Variants in EIPR1 observed in about 807,000 individuals in gnomAD.
EIPR1 encodes EARP complex and GARP complex interacting protein 1.
Under a neutral mutation model 48.1 loss-of-function variants are expected in EIPR1, and 25 were observed. The ratio of observed to expected loss-of-function variants is 0.52; its 90% CI spans 0.38 to 0.73. EIPR1 has a LOEUF of 0.73. Ranked by LOEUF, EIPR1 falls within the 30% of genes least tolerant of loss-of-function variation. The pLI, the probability that EIPR1 is intolerant of heterozygous loss-of-function variation, is 0.00. For missense variants in EIPR1, 415 were observed against 506.2 expected, an observed-to-expected ratio of 0.82 and a Z score of 1.73; for synonymous variants, 204 against 201.9, an observed-to-expected ratio of 1.01 and a Z score of -0.09.
chr2:3,224,923 C>T (rs1054849935), intron 4 of EIPR1, among the ~76,000 whole-genome samples: 1 of 152,228 alleles, frequency 6.6e-6, no homozygotes, highest in African/African-American at 2.4e-5. Flanking sequence ...CTGGGGGCTG[C>T]AGCCTGTGAC....
intron 4 of EIPR1, among the ~76,000 whole-genome samples, chr2:3,239,822 T>C (rs1228939389): frequency 3.3e-5 from 5 of 152,264 alleles, no homozygotes; most frequent in Non-Finnish European, 5.9e-5. Context: ...TTTCTTTCCA[T>C]CTCCTTCCTT....
intron 3 of EIPR1, among the ~76,000 whole-genome samples, chr2:3,264,844 G>A (rs1025981022): frequency 6.6e-6 from 1 of 152,054 alleles, no homozygotes. Flanking sequence ...CCGCCACCAT[G>A]CCCAGCTAAT....
At chr2:3,220,033 T>C (rs1258872037) in intron 4 of EIPR1, among the ~76,000 whole-genome samples, 1 of 152,204 alleles carries the variant, frequency 6.6e-6, no homozygotes, top group African/African-American at 2.4e-5. Flanking sequence ...AACCCTGTTG[T>C]GAACTGTGCA....
intron 3 of EIPR1, among the ~76,000 whole-genome samples, chr2:3,289,885 G>A (rs374491961): frequency 4.6e-5 from 7 of 152,130 alleles, no homozygotes; most frequent in African/African-American, 9.6e-5. Context: ...CTTGATCCAC[G>A]CCTCTCATCA....
intron 4 of EIPR1, among the ~76,000 whole-genome samples, chr2:3,221,072 A>G (rs1209681129): frequency 2.4e-4 from 4 of 16,548 alleles, no homozygotes; most frequent in Non-Finnish European, 4.0e-4. Flanking sequence ...ACACGCACAC[A>G]ATGGCCGAGG....
intron 3 of EIPR1, among the ~76,000 whole-genome samples, chr2:3,283,621 G>A (rs769883358): frequency 5.3e-5 from 8 of 152,178 alleles, no homozygotes; most frequent in African/African-American, 1.4e-4. Flanking sequence ...AGATACCAGC[G>A]AGCACCACTA....
At chr2:3,352,301 ACTGT>A (rs1477192872) in intron 2 of EIPR1, among the ~76,000 whole-genome samples, 3 of 146,794 alleles carry the variant, frequency 2.0e-5, no homozygotes, top group African/African-American at 7.7e-5. Context: ...AGCCACCCAC[ACTGT>A]CTGTTCCGGA....
chr2:3,303,919 C>A (rs538004767), intron 3 of EIPR1, among the ~76,000 whole-genome samples: 1 of 152,344 alleles, frequency 6.6e-6, no homozygotes, highest in East Asian at 1.9e-4. Context: ...AAATCTTATA[C>A]AGTCATATAA....
At chr2:3,350,954 A>AC (rs1670554415) in intron 2 of EIPR1, among the ~76,000 whole-genome samples, 1 of 151,480 alleles carries the variant, frequency 6.6e-6, no homozygotes, top group Non-Finnish European at 1.5e-5. Context: ...CCAAAAAAAA[A>AC]AAAAAAAACA....
chr2:3,275,086 T>C (rs1667808142), intron 3 of EIPR1, among the ~76,000 whole-genome samples: 1 of 152,104 alleles, frequency 6.6e-6, no homozygotes, highest in African/African-American at 2.4e-5. Context: ...AATAGATCAG[T>C]ATTCACAATA....
chr2:3,248,938 C>T, intron 4 of EIPR1, among the ~76,000 whole-genome samples: 1 of 152,188 alleles, frequency 6.6e-6, no homozygotes, highest in Non-Finnish European at 1.5e-5. Context: ...GCTTCCTGTA[C>T]AGCCTGTGGA....
chr2:3,242,138 C>G (rs1666649191), intron 4 of EIPR1, among the ~76,000 whole-genome samples: 1 of 152,176 alleles, frequency 6.6e-6, no homozygotes, highest in South Asian at 2.1e-4. Flanking sequence ...CCACTGATGG[C>G]TGGAAGACAG....
chr2:3,369,316 C>T (rs1284774894), intron 1 of EIPR1, among the ~76,000 whole-genome samples: 3 of 152,198 alleles, frequency 2.0e-5, no homozygotes, highest in Non-Finnish European at 2.9e-5. Flanking sequence ...ACGCAGAAGA[C>T]GGGTGATTTC....
intron 3 of EIPR1, chr2:3,318,995 T>TA (rs1423288701): frequency 2.1e-6 from 1 of 469,234 alleles, no homozygotes; most frequent in Admixed American, 2.4e-5. Context: ...ACTTGGAACT[T>TA]ACCCCAGCAA....
chr2:3,291,408 A>T (rs950648782), intron 3 of EIPR1, among the ~76,000 whole-genome samples: 1 of 152,214 alleles, frequency 6.6e-6, no homozygotes, highest in Non-Finnish European at 1.5e-5. Context: ...TCCATATATT[A>T]GACTATGCTG....
At chr2:3,318,520 G>A (rs912906586) in intron 3 of EIPR1, among the ~76,000 whole-genome samples, 3 of 152,184 alleles carry the variant, frequency 2.0e-5, no homozygotes, top group African/African-American at 7.2e-5. Flanking sequence ...AACGGGATCT[G>A]AAGAGTCAGT....
At chr2:3,231,712 T>C (rs1449242990) in intron 4 of EIPR1, among the ~76,000 whole-genome samples, 1 of 152,220 alleles carries the variant, frequency 6.6e-6, no homozygotes, top group Non-Finnish European at 1.5e-5. Flanking sequence ...TATAATCCTT[T>C]TACTGTGCTG....
chr2:3,309,684 G>T (rs114358020), intron 3 of EIPR1, among the ~76,000 whole-genome samples: 2,669 of 152,230 alleles, frequency 0.018, 75 homozygotes, highest in African/African-American at 0.061. Context: ...GGGAGTGGAG[G>T]GCATGAAAAT....
chr2:3,259,886 A>C (rs1470087281), intron 3 of EIPR1, among the ~76,000 whole-genome samples: 1 of 152,238 alleles, frequency 6.6e-6, no homozygotes, highest in Non-Finnish European at 1.5e-5. Flanking sequence ...AAAGAAAATA[A>C]ACTTGTATCC....
Sources: gnomAD v4.1 joint callset for allele counts (sites outside exome capture counted in the v4.1 genomes callset) on GRCh38, gnomAD v4.1.1 for gene constraint, MANE v1.5 for transcripts, NCBI Gene and HGNC (gene_info 2026-07-23, HGNC 2026-07-21) for gene names.